The following CTNNA2 variants were observed in gnomAD, a reference collection of about 807,000 sequenced individuals.
The protein encoded by CTNNA2 is catenin alpha-2.
Under a neutral mutation model 101.0 loss-of-function variants are expected in CTNNA2, and 42 were observed. The ratio of observed to expected loss-of-function variants is 0.42; its 90% CI spans 0.32 to 0.54. The LOEUF (loss-of-function observed/expected upper bound fraction) is 0.54. Ranked by LOEUF, CTNNA2 falls within the 20% of genes least tolerant of loss-of-function variation. CTNNA2 has a pLI of 0.14. For synonymous variants in CTNNA2, 450 were observed against 456.4 expected (o/e 0.99, Z 0.18); for missense variants, 871 against 1,223.1 (o/e 0.71, Z 4.29).
chr2:79,578,089 A>G (rs915738579), intron 1 of CTNNA2, among the ~76,000 whole-genome samples: 2 of 152,196 alleles, frequency 1.3e-5, no homozygotes, highest in Admixed American at 6.5e-5. Context: ...CAACATTTGA[A>G]TGAAAATTGT....
chr2:80,311,578 T>C (rs1677592168), intron 7 of CTNNA2, among the ~76,000 whole-genome samples: 1 of 152,232 alleles, frequency 6.6e-6, no homozygotes, highest in Non-Finnish European at 1.5e-5. Flanking sequence ...TGGACTTAAT[T>C]CCTGCATCTT....
chr2:79,357,227 GA>G (rs1427135603), intron 3 of CTNNA2, among the ~76,000 whole-genome samples: 3 of 152,126 alleles, frequency 2.0e-5, no homozygotes, highest in Non-Finnish European at 4.4e-5. Context: ...TTGGGAGGCT[GA>G]GGCAGGAAAA....
chr2:80,557,984 A>C (rs3755097), intron 12 of CTNNA2, among the ~76,000 whole-genome samples: 62,619 of 151,970 alleles, frequency 0.41, 15,070 homozygotes, highest in Non-Finnish European at 0.54. Flanking sequence ...GCTTAACTAA[A>C]GGCACCTTTC....
At chr2:79,226,575 C>A (rs989946206) in intron 2 of CTNNA2, among the ~76,000 whole-genome samples, 1 of 152,086 alleles carries the variant, frequency 6.6e-6, no homozygotes, top group Admixed American at 6.6e-5. Flanking sequence ...TGTTCAGGTG[C>A]CAGAATTTGC....
chr2:80,333,255 C>T (rs1012731280), intron 7 of CTNNA2, among the ~76,000 whole-genome samples: 1 of 152,100 alleles, frequency 6.6e-6, no homozygotes, highest in Admixed American at 6.6e-5. Flanking sequence ...CTAGTCTTCC[C>T]TTAGCAGAAG....
In CTNNA2 at chr2:79,313,945, G is replaced by C. The variant is rs144059058; in HGVS notation, c.-318+1149G>C. On this transcript the variant is annotated intron_variant, in intron 3 of 21. Coordinates refer to the CTNNA2 transcript ENST00000466387. ...GGTGTGAGAACCAAATGCAGCGCTT[G>C]TTCAGAGCCTCTCTCACATGGGGAC... Among the ~76,000 whole-genome samples the C allele has an allele frequency of 3.7e-3, 561 of 152,288 alleles. 3 individuals are homozygous for C. Among genetic ancestry groups the C allele is most frequent in the African/African-American group, 0.013 (535 of 41,548 alleles).
intron 15 of CTNNA2, among the ~76,000 whole-genome samples, chr2:80,594,765 T>C (rs1214422372): frequency 6.6e-6 from 1 of 152,020 alleles, no homozygotes; most frequent in Admixed American, 6.6e-5. Flanking sequence ...ACTGCCCTTT[T>C]CCAAGACCCA....
At chr2:80,427,078 G>T (rs114955916) in intron 9 of CTNNA2, among the ~76,000 whole-genome samples, 1 of 152,000 alleles carries the variant, frequency 6.6e-6, no homozygotes, top group Non-Finnish European at 1.5e-5. Flanking sequence ...CTACAACCCA[G>T]CTCCTAGCCA....
At chr2:80,155,742 C>G (rs958449097) in intron 7 of CTNNA2, among the ~76,000 whole-genome samples, 2 of 152,096 alleles carry the variant, frequency 1.3e-5, no homozygotes, top group African/African-American at 4.8e-5. Flanking sequence ...TAGCTGTGTT[C>G]CCTTGGGCTA....
At chr2:79,682,452 T>A (rs1305467957) in intron 2 of CTNNA2, among the ~76,000 whole-genome samples, 1 of 147,918 alleles carries the variant, frequency 6.8e-6, no homozygotes, top group Non-Finnish European at 1.5e-5. Context: ...AAAATCTGAA[T>A]CTATATTGGT....
chr2:79,403,485 C>T (rs1353208230), intron 4 of CTNNA2, among the ~76,000 whole-genome samples: 1 of 151,866 alleles, frequency 6.6e-6, no homozygotes, highest in Non-Finnish European at 1.5e-5. Flanking sequence ...CTGGGGGGAC[C>T]ATGTTAAACA....
At chr2:80,217,068 G>A (rs140110984) in intron 7 of CTNNA2, among the ~76,000 whole-genome samples, 2,142 of 152,104 alleles carry the variant, frequency 0.014, 56 homozygotes, top group African/African-American at 0.048. Flanking sequence ...CTGACCTCAA[G>A]TGATCTGCCC....
chr2:79,760,267 A>G (rs1056795870), intron 3 of CTNNA2, among the ~76,000 whole-genome samples: 6 of 148,380 alleles, frequency 4.0e-5, no homozygotes, highest in African/African-American at 1.6e-4. Context: ...AAATAATTAT[A>G]TATGTATATT....
chr2:79,331,137 T>C (rs569165720), intron 3 of CTNNA2, among the ~76,000 whole-genome samples: 4 of 152,290 alleles, frequency 2.6e-5, no homozygotes, highest in African/African-American at 9.6e-5. Context: ...AATTTCACCA[T>C]TCTGCCCTCT....
At chr2:79,808,990 C>T (rs1212768060) in intron 3 of CTNNA2, among the ~76,000 whole-genome samples, 2 of 152,086 alleles carry the variant, frequency 1.3e-5, no homozygotes, top group Non-Finnish European at 2.9e-5. Flanking sequence ...CTCCCTGTGT[C>T]CATGTGTTCT....
At chr2:79,641,017 G>A (rs186059686) in intron 1 of CTNNA2, among the ~76,000 whole-genome samples, 1 of 152,276 alleles carries the variant, frequency 6.6e-6, no homozygotes, top group Non-Finnish European at 1.5e-5. Flanking sequence ...ATGTGTCCCA[G>A]GTAGAAACTT....
intron 7 of CTNNA2, among the ~76,000 whole-genome samples, chr2:79,913,722 A>C (rs1685972491): frequency 6.6e-6 from 1 of 152,184 alleles, no homozygotes; most frequent in African/African-American, 2.4e-5. Flanking sequence ...TAGTAAGAAG[A>C]ATGTGTCTGT....
chr2:80,476,184 C>T (rs981645189), intron 9 of CTNNA2, among the ~76,000 whole-genome samples: 5 of 152,032 alleles, frequency 3.3e-5, no homozygotes, highest in Non-Finnish European at 7.4e-5. Context: ...CTGATTCACC[C>T]CCAAGGAGGC....
intron 7 of CTNNA2, among the ~76,000 whole-genome samples, chr2:80,100,277 T>A (rs1165515324): frequency 6.6e-6 from 1 of 152,166 alleles, no homozygotes; most frequent in East Asian, 1.9e-4. Flanking sequence ...CTTACTAAAG[T>A]TTGCAGACAC....
Sources: allele counts gnomAD v4.1 joint callset (sites outside exome capture counted in the v4.1 genomes callset), GRCh38; gene constraint gnomAD v4.1.1; transcripts MANE v1.5; gene names NCBI Gene and HGNC (gene_info 2026-07-23, HGNC 2026-07-21).